Variants in SLCO1C1 observed in about 807,000 individuals in gnomAD.
SLCO1C1 encodes OAT-RP-5.
A neutral mutation model predicts 76.4 loss-of-function variants in SLCO1C1; 70 were observed. The ratio of observed to expected loss-of-function variants is 0.92; its 90% CI spans 0.76 to 1.12. SLCO1C1 has a LOEUF of 1.12. SLCO1C1 is among the 50% of genes most tolerant of loss of function. SLCO1C1 has a pLI of 0.00. For synonymous variants in SLCO1C1, 306 were observed against 286.1 expected, an observed-to-expected ratio of 1.07 and a Z score of -0.70; for missense variants, 912 against 823.8, an observed-to-expected ratio of 1.11 and a Z score of -1.31.
Position 20,752,393 on chromosome 12 carries a change from T to A in SLCO1C1, c.2004T>A (p.Tyr668Ter). Residue 668 changes from tyrosine (Y) to a stop codon, truncating the protein, a stop_gained, in exon 15 of 15, where the codon TAT (tyrosine) becomes TAA (stop). Transcript: ENST00000266509. LOFTEE classifies it high-confidence loss of function. Reference protein sequence around the residue: ...IAVLFILKKNYVSKHRSFITK... With the variant: ...IAVLFILKKN ...TACTTTTCATTTTAAAGAAAAATTA[T>A]GTTTCAAAACACAGAAGTTTTATAA... 1 of 1,613,424 alleles carries A rather than the reference T, an allele frequency of 6.2e-7. No individual in the cohort carries two copies. Among genetic ancestry groups the A allele is most frequent in the South Asian group, 1.1e-5 (1 of 91,004 alleles).
chr12:20,710,538 G>A (rs549204007), intron 4 of SLCO1C1, among the ~76,000 whole-genome samples: 2 of 152,216 alleles, frequency 1.3e-5, no homozygotes, highest in South Asian at 4.2e-4. Context: ...GTAGAGCCGG[G>A]GGATTGTAGA....
At chr12:20,740,814 T>TATATATATATATATAC (rs1238632883) in intron 12 of SLCO1C1, among the ~76,000 whole-genome samples, 11 of 133,322 alleles carry the variant, frequency 8.3e-5, no homozygotes, top group Non-Finnish European at 1.6e-4. Context: ...TATATATATA[T>TATATATATATATATAC]ATATGGCTTT....
At chr12:20,743,843 GAGT>G (rs1948926874) in intron 13 of SLCO1C1, among the ~76,000 whole-genome samples, 3 of 150,904 alleles carry the variant, frequency 2.0e-5, no homozygotes, top group African/African-American at 7.3e-5. Flanking sequence ...AAATAAATTT[GAGT>G]AGGTCATACT....
At chr12:20,736,960 G>A in intron 10 of SLCO1C1, 147 bp from the exon 11 acceptor site, 1 of 542,128 alleles carries the variant, frequency 1.8e-6, no homozygotes, top group Non-Finnish European at 3.0e-6. Context: ...ATGACCAGAA[G>A]CTGCCATTTC....
intron 2 of SLCO1C1, 199 bp downstream of exon 2, chr12:20,699,904 G>A: frequency 2.2e-6 from 1 of 447,674 alleles, no homozygotes. Flanking sequence ...ACTTTCCTGG[G>A]CTCATTTAAA....
chr12:20,732,908 G>A lies in SLCO1C1; in HGVS notation c.1187-1G>A. 6.2e-7 allele frequency: 1 copy of A among 1,613,764 alleles called. No individual in the cohort carries two copies. The highest frequency in any genetic ancestry group is 8.5e-7 in the Non-Finnish European group (1 of 1,179,880). ...AATGATATATTTTTCTTGTTTCTCA[G>A]GGCTCATCAACATTCCAGCAGTGGC... is the stretch of plus-strand genomic sequence containing the variant. On this transcript the variant is annotated splice_acceptor_variant, in intron 9 of 14. Transcript: ENST00000266509. LOFTEE classifies it high-confidence loss of function.
At position 20,752,475 on chromosome 12, in the gene SLCO1C1, A is replaced by C; in HGVS notation, c.2086A>C (p.Ser696Arg). The change falls in exon 15 of 15, where the codon AGT (serine) becomes CGT (arginine). Residue 696 changes from serine to arginine, a missense_variant. Physicochemically the swap from Ser to Arg is moderately radical, Grantham distance 110 (BLOSUM62 -1). Coordinates refer to ENST00000266509, the MANE Select transcript of SLCO1C1 (RefSeq NM_017435.5). ...ATTCCAAAAGGAAAATTACACTACA[A>C]GTGATCATCTGCTACAACCCAACTA... ...TRFQKENYTT[S>R]DHLLQPNYWP... The C allele has an allele frequency of 1.2e-6, 2 of 1,612,244 alleles. No homozygotes were observed. The highest frequency in any genetic ancestry group is 1.1e-5 in the South Asian group (1 of 90,824).
rs1377959047 is a variant in SLCO1C1, at chr12:20,699,657, A to T, written c.81A>T (p.Thr27=). ...VQPVGRPSFK[T]EYPSSEEKQP... The stretch of plus-strand genomic sequence containing the variant: ...CTGTTGGAAGGCCTTCTTTTAAAAC[A>T]GAATATCCCTCCTCAGAAGAAAAGC... The change falls in exon 2 of 15, where the codon ACA becomes ACT. Residue 27 remains threonine (T), a synonymous_variant. Transcript: ENST00000266509. 6.2e-7 allele frequency: 1 copy of T among 1,612,526 alleles called. No homozygotes were observed. Among genetic ancestry groups the T allele is most frequent in the South Asian group, 1.1e-5 (1 of 90,974 alleles).
intron 14 of SLCO1C1, 125 bp from the exon 15 acceptor site, chr12:20,752,181 T>C: frequency 1.7e-6 from 1 of 600,136 alleles, no homozygotes; most frequent in East Asian, 2.9e-5. Flanking sequence ...CATAAAACAG[T>C]CTTTTATATA....
chr12:20,711,999 A>G (rs1305990540), intron 5 of SLCO1C1, among the ~76,000 whole-genome samples: 1 of 152,150 alleles, frequency 6.6e-6, no homozygotes, highest in East Asian at 1.9e-4. Flanking sequence ...ATGGGCAGCT[A>G]TGGTGGGAGC....
At chr12:20,697,022 G>A (rs1946299097) in intron 1 of SLCO1C1, 1 of 151,858 alleles carries the variant, frequency 6.6e-6, no homozygotes, top group Non-Finnish European at 1.5e-5. Flanking sequence ...AGTGATTTTT[G>A]TGTCAACACC....
chr12:20,745,166 G>T (rs1338586347), intron 13 of SLCO1C1, among the ~76,000 whole-genome samples: 1 of 151,968 alleles, frequency 6.6e-6, no homozygotes, highest in East Asian at 1.9e-4. Flanking sequence ...AAGGGAAGAG[G>T]GATAAATTTC....
chr12:20,699,766 A>G, intron 2 of SLCO1C1, 61 bp downstream of exon 2: 1 of 1,477,474 alleles, frequency 6.8e-7, no homozygotes, highest in Non-Finnish European at 9.0e-7. Flanking sequence ...GATATCATCT[A>G]TATAATGAAG....
chr12:20,701,557 CTCT>C, intron 3 of SLCO1C1, 98 bp downstream of exon 3: 3 of 818,688 alleles, frequency 3.7e-6, no homozygotes, highest in Non-Finnish European at 5.1e-6. Flanking sequence ...TGGGATCAGA[CTCT>C]ATTCATAAAA....
Position 20,699,604 on chromosome 12 carries a change from C to G in SLCO1C1, c.28C>G (p.Gln10Glu). ...GGACACTTCATCCAAAGAAAATATC[C>G]AGTTGTTCTGCAAAACTTCAGTGCA... MDTSSKENI[Q>E]LFCKTSVQPV... Residue 10 changes from glutamine (Q) to glutamate (E), a missense_variant, in exon 2 of 15, where the codon CAG (glutamine) becomes GAG (glutamate). Physicochemically the swap from Gln to Glu is conservative, Grantham distance 29 (BLOSUM62 2). Transcript: ENST00000266509. 6.2e-7 allele frequency: 1 copy of G among 1,611,816 alleles called. No homozygotes were observed. Among genetic ancestry groups the G allele is most frequent in the Non-Finnish European group, 8.5e-7 (1 of 1,178,866 alleles).
intron 3 of SLCO1C1, among the ~76,000 whole-genome samples, chr12:20,705,592 A>G (rs1946734175): frequency 6.6e-6 from 1 of 151,414 alleles, no homozygotes; most frequent in Non-Finnish European, 1.5e-5. Flanking sequence ...TTAATGAATA[A>G]AGAAAAAATA....
intron 1 of SLCO1C1, among the ~76,000 whole-genome samples, chr12:20,696,571 G>A (rs1332187676): frequency 2.0e-5 from 3 of 152,128 alleles, no homozygotes. Context: ...AAGAGAAACT[G>A]CTTGGCTTGT....
At chr12:20,727,653 G>A (rs1383738869) in intron 9 of SLCO1C1, among the ~76,000 whole-genome samples, 2 of 152,156 alleles carry the variant, frequency 1.3e-5, no homozygotes, top group African/African-American at 2.4e-5. Context: ...GGGACTACAG[G>A]CGCCCGCCAC....
At chr12:20,701,888 T>A (rs971376934) in intron 3 of SLCO1C1, among the ~76,000 whole-genome samples, 1 of 151,916 alleles carries the variant, frequency 6.6e-6, no homozygotes, top group African/African-American at 2.4e-5. Flanking sequence ...GAATAGAAGT[T>A]ACATCATAAA....
Sources: allele counts gnomAD v4.1 joint callset (sites outside exome capture counted in the v4.1 genomes callset), GRCh38; gene constraint gnomAD v4.1.1; transcripts MANE v1.5; gene names NCBI Gene and HGNC (gene_info 2026-07-23, HGNC 2026-07-21).